INPP5A: variants seen among roughly 807,000 people sequenced by gnomAD.
INPP5A encodes the protein inositol polyphosphate-5-phosphatase A.
Under a neutral mutation model 65.2 loss-of-function variants are expected in INPP5A, and 14 were observed. The ratio of observed to expected loss-of-function variants is 0.21; its 90% CI spans 0.14 to 0.34. INPP5A has a LOEUF of 0.34. Ranked by LOEUF, INPP5A falls within the 10% of genes least tolerant of loss-of-function variation. The probability of loss-of-function intolerance (pLI) is 1.00; values close to 1 mark genes in which losing one functional copy is unlikely to be tolerated. For missense variants in INPP5A, 431 were observed against 545.6 expected (o/e 0.79, Z 2.09); for synonymous variants, 207 against 208.3 (o/e 0.99, Z 0.05).
intron 1 of INPP5A, among the ~76,000 whole-genome samples, chr10:132,601,614 A>G (rs1228111204): frequency 1.3e-5 from 2 of 152,162 alleles, no homozygotes; most frequent in Non-Finnish European, 2.9e-5. Context: ...TTCTTCTAAG[A>G]ATTTTTATAG....
intron 9 of INPP5A, among the ~76,000 whole-genome samples, chr10:132,744,441 C>A (rs374395702): frequency 6.6e-6 from 1 of 152,158 alleles, no homozygotes; most frequent in Non-Finnish European, 1.5e-5. Flanking sequence ...CTCCACCGGT[C>A]CCTGTGTCTA....
At chr10:132,719,013 A>G (rs112464064) in intron 8 of INPP5A, among the ~76,000 whole-genome samples, 128 of 32,926 alleles carry the variant, frequency 3.9e-3, no homozygotes, top group East Asian at 6.0e-3. Flanking sequence ...GCCTTAGACG[A>G]CTGTCTTGCG....
intron 2 of INPP5A, among the ~76,000 whole-genome samples, chr10:132,643,908 A>AGGG (rs536098008): frequency 1.3e-5 from 2 of 152,062 alleles, no homozygotes; most frequent in South Asian, 4.2e-4. Context: ...GTGGTGTCCT[A>AGGG]GGGCGTGTAG....
chr10:132,737,905 C>T (rs1212668752), intron 9 of INPP5A, among the ~76,000 whole-genome samples: 3 of 152,090 alleles, frequency 2.0e-5, no homozygotes, highest in African/African-American at 7.2e-5. Context: ...TGACATTAGG[C>T]TTCGTATTTA....
intron 8 of INPP5A, among the ~76,000 whole-genome samples, chr10:132,717,604 C>G (rs1234273557): frequency 6.7e-6 from 1 of 150,152 alleles, no homozygotes; most frequent in East Asian, 2.0e-4. Flanking sequence ...TCTGTGGTAC[C>G]TGGGTTCTTT....
At chr10:132,751,613 G>A (rs1846478502) in intron 11 of INPP5A, among the ~76,000 whole-genome samples, 1 of 150,172 alleles carries the variant, frequency 6.7e-6, no homozygotes, top group Admixed American at 6.6e-5. Context: ...TCTGGGTGGA[G>A]GCAGGTGCCC....
intron 2 of INPP5A, among the ~76,000 whole-genome samples, chr10:132,642,855 T>A (rs999241410): frequency 2.6e-5 from 4 of 152,228 alleles, no homozygotes; most frequent in Non-Finnish European, 5.9e-5. Flanking sequence ...TTACATGTCA[T>A]AACTCTTCAT....
At position 132,656,129 on chromosome 10, in the gene INPP5A, G is replaced by A. The variant is rs139626830; in HGVS notation, c.306+5624G>A. Among the ~76,000 whole-genome samples, 24 of 152,366 alleles carry A rather than the reference G, an allele frequency of 1.6e-4. 1 individual carries two copies. The East Asian group carries it at 2.7e-3, about 17-fold the overall frequency. The stretch of plus-strand genomic sequence containing the variant: ...GCCCATGCCCAGGACTGTCCTGACC[G>A]GACTGAAAGCCCTAGAGGGAAGCTG... On this transcript the variant is annotated intron_variant, in intron 4 of 15. Coordinates refer to ENST00000368594, the MANE Select transcript of INPP5A (RefSeq NM_005539.5).
intron 11 of INPP5A, among the ~76,000 whole-genome samples, chr10:132,757,350 G>T (rs1035340772): frequency 6.6e-6 from 1 of 152,224 alleles, no homozygotes; most frequent in Non-Finnish European, 1.5e-5. Context: ...CCGCAGAGGT[G>T]CACGCTTTTT....
At chr10:132,636,228 G>T (rs1301165846) in intron 2 of INPP5A, among the ~76,000 whole-genome samples, 1 of 151,478 alleles carries the variant, frequency 6.6e-6, no homozygotes, top group African/African-American at 2.4e-5. Flanking sequence ...GTAATATTCG[G>T]CCATAAAAAG....
At chr10:132,712,055 C>G (rs1046464308) in intron 8 of INPP5A, among the ~76,000 whole-genome samples, 1 of 152,214 alleles carries the variant, frequency 6.6e-6, no homozygotes, top group Non-Finnish European at 1.5e-5. Context: ...AGAGGCACCC[C>G]TGGGGACTGT....
chr10:132,733,733 T>TGTGAAC (rs1846126805), intron 9 of INPP5A, among the ~76,000 whole-genome samples: 1 of 152,030 alleles, frequency 6.6e-6, no homozygotes, highest in Non-Finnish European at 1.5e-5. Flanking sequence ...TCCCTCTGCG[T>TGTGAAC]GTGAACGGGG....
chr10:132,691,768 C>T (rs937748391), intron 5 of INPP5A, among the ~76,000 whole-genome samples: 2 of 152,136 alleles, frequency 1.3e-5, no homozygotes, highest in African/African-American at 4.8e-5. Context: ...CATGCAGACA[C>T]AGGAGGCGTG....
At chr10:132,642,224 G>A (rs535638510) in intron 2 of INPP5A, among the ~76,000 whole-genome samples, 1 of 152,356 alleles carries the variant, frequency 6.6e-6, no homozygotes, top group African/African-American at 2.4e-5. Context: ...GGGCGTGGGA[G>A]TGGGTGGAGG....
rs140963088 is a variant in INPP5A, at chr10:132,559,744, G to A, written c.75+21573G>A. ...TCCAGGGACTCCATTTACTCAGCAC[G>A]TGTGTTCCAGGGACCTCAGTTACTT... On this transcript the variant is annotated intron_variant, in intron 1 of 15. Transcript: ENST00000368594. Among the ~76,000 whole-genome samples the A allele has an allele frequency of 2.6e-3, 403 of 152,288 alleles. 1 individual carries two copies. Among genetic ancestry groups the A allele is most frequent in the African/African-American group, 8.8e-3 (366 of 41,528 alleles).
At chr10:132,773,586 TG>T (rs1591004591) in intron 12 of INPP5A, among the ~76,000 whole-genome samples, 2 of 152,202 alleles carry the variant, frequency 1.3e-5, no homozygotes, top group African/African-American at 2.4e-5. Flanking sequence ...GCCTGCGAGC[TG>T]GGTGCTCAGG....
At chr10:132,661,275 C>T (rs2072734268) in intron 4 of INPP5A, among the ~76,000 whole-genome samples, 1 of 152,176 alleles carries the variant, frequency 6.6e-6, no homozygotes, top group South Asian at 2.1e-4. Context: ...AAGAAAAAGG[C>T]AAAATGAAGT....
At chr10:132,739,330 G>A (rs943146386) in intron 9 of INPP5A, among the ~76,000 whole-genome samples, 5 of 152,214 alleles carry the variant, frequency 3.3e-5, no homozygotes, top group African/African-American at 1.2e-4. Context: ...CATTTCCCAC[G>A]CCAAGTCTGG....
chr10:132,560,412 A>G (rs966119649), intron 1 of INPP5A, among the ~76,000 whole-genome samples: 1 of 152,192 alleles, frequency 6.6e-6, no homozygotes, highest in South Asian at 2.1e-4. Context: ...GACTTCCAAC[A>G]TCACAGAACA....
Sources: allele counts gnomAD v4.1 joint callset (sites outside exome capture counted in the v4.1 genomes callset), GRCh38; gene constraint gnomAD v4.1.1; transcripts MANE v1.5; gene names NCBI Gene and HGNC (gene_info 2026-07-23, HGNC 2026-07-21).